LRP1B: variants seen among roughly 807,000 people sequenced by gnomAD.
LRP1B encodes the protein low-density lipoprotein receptor-related protein 1B.
A neutral mutation model predicts 556.6 loss-of-function variants in LRP1B; 217 were observed. That is an observed-to-expected ratio of 0.39 (90% CI 0.35 to 0.44). LRP1B has a LOEUF of 0.44. Among genes scored for constraint, LRP1B ranks in the 20% least tolerant of loss-of-function variants. The probability of loss-of-function intolerance (pLI) is 1.00; values close to 1 mark genes in which losing one functional copy is unlikely to be tolerated. For synonymous variants in LRP1B, 2,047 were observed against 1,865.8 expected (o/e 1.10, Z -2.50); for missense variants, 5,053 against 5,620.8 (o/e 0.90, Z 3.23).
At chr2:140,557,714 C>T (rs1680785328) in intron 43 of LRP1B, among the ~76,000 whole-genome samples, 1 of 152,132 alleles carries the variant, frequency 6.6e-6, no homozygotes, top group Non-Finnish European at 1.5e-5. Context: ...GTCTCTTCCC[C>T]AAAATATTCA....
At chr2:141,336,762 T>A (rs1029373664) in intron 3 of LRP1B, among the ~76,000 whole-genome samples, 1 of 152,202 alleles carries the variant, frequency 6.6e-6, no homozygotes, top group African/African-American at 2.4e-5. Context: ...GATTTCTTGC[T>A]CACTATAATT....
chr2:141,163,682 C>T (rs1377055985), intron 7 of LRP1B, among the ~76,000 whole-genome samples: 1 of 151,914 alleles, frequency 6.6e-6, no homozygotes, highest in East Asian at 1.9e-4. Context: ...AAAGGGTTTC[C>T]CCTTTTATTT....
At position 142,015,254 on chromosome 2, in the gene LRP1B, C is replaced by T. The variant is rs952149213; in HGVS notation, c.82+115394G>A. Among the ~76,000 whole-genome samples, 3 of 152,012 alleles carry T rather than the reference C, an allele frequency of 2.0e-5. No homozygotes were observed. In the South Asian group the frequency reaches 6.2e-4, roughly 32 times the overall value. ...AGCAGCTGACCTTTGACAAACCTGA[C>T]AAAAATAATCAATGGAGAAAGGATT... is the stretch of plus-strand genomic sequence containing the variant. On this transcript the variant is annotated intron_variant, in intron 1 of 90. Transcript: ENST00000389484.
chr2:141,697,615 T>C (rs1056233546), intron 2 of LRP1B, among the ~76,000 whole-genome samples: 2 of 151,986 alleles, frequency 1.3e-5, no homozygotes, highest in African/African-American at 2.4e-5. Context: ...GGTAATGTCA[T>C]ATGGAACTTG....
chr2:141,313,694 C>T (rs575023411), intron 3 of LRP1B, among the ~76,000 whole-genome samples: 1 of 152,134 alleles, frequency 6.6e-6, no homozygotes, highest in African/African-American at 2.4e-5. Context: ...CTAGTAAATA[C>T]ATTAGTGATC....
At chr2:140,957,877 C>T (rs1258941710) in intron 18 of LRP1B, among the ~76,000 whole-genome samples, 10 of 151,450 alleles carry the variant, frequency 6.6e-5, no homozygotes, top group African/African-American at 2.4e-4. Flanking sequence ...ATAATATCTC[C>T]TCCTAGTAGA....
intron 62 of LRP1B, among the ~76,000 whole-genome samples, chr2:140,450,928 G>A (rs1048475960): frequency 6.6e-6 from 1 of 152,140 alleles, no homozygotes; most frequent in African/African-American, 2.4e-5. Context: ...GAGCTACTTG[G>A]TTTTTGTGGT....
chr2:140,843,440 C>T (rs1692182789), intron 29 of LRP1B, among the ~76,000 whole-genome samples: 1 of 152,070 alleles, frequency 6.6e-6, no homozygotes, highest in Non-Finnish European at 1.5e-5. Context: ...CTTCTAGCCA[C>T]CCAGAATGTG....
chr2:141,760,145 A>G (rs572181171), intron 2 of LRP1B, among the ~76,000 whole-genome samples: 2 of 152,308 alleles, frequency 1.3e-5, no homozygotes, highest in Non-Finnish European at 2.9e-5. Flanking sequence ...AAAAACTATC[A>G]TGTGTTAATG....
At chr2:141,874,084 ATTTTTTTTTTTTTTTTTT>A (rs200281267) in intron 1 of LRP1B, among the ~76,000 whole-genome samples, 39 of 103,118 alleles carry the variant, frequency 3.8e-4, no homozygotes, top group Non-Finnish European at 3.9e-4. Context: ...TGAACTAACA[ATTTTTTTTTTTTTTTTTT>A]TTTTTTTTTT....
At chr2:141,419,432 T>C (rs955467902) in intron 3 of LRP1B, among the ~76,000 whole-genome samples, 1 of 152,164 alleles carries the variant, frequency 6.6e-6, no homozygotes, top group African/African-American at 2.4e-5. Flanking sequence ...TTGGCAGATT[T>C]TTTGATTACT....
intron 3 of LRP1B, among the ~76,000 whole-genome samples, chr2:141,283,618 CT>C (rs751136016): frequency 0.048 from 5,947 of 123,858 alleles, 120 homozygotes; most frequent in South Asian, 0.095. Context: ...AAGAGACCCA[CT>C]TTTTTTTTTT....
chr2:141,950,648 T>C (rs979943437), intron 1 of LRP1B, among the ~76,000 whole-genome samples: 1 of 152,152 alleles, frequency 6.6e-6, no homozygotes, highest in Non-Finnish European at 1.5e-5. Flanking sequence ...AAATATTAAA[T>C]ATGCTTTTTT....
chr2:140,653,022 A>C (rs1402818113), intron 41 of LRP1B, among the ~76,000 whole-genome samples: 1 of 152,148 alleles, frequency 6.6e-6, no homozygotes, highest in South Asian at 2.1e-4. Flanking sequence ...TTTGAGGAAT[A>C]TCTCCAACAG....
chr2:141,174,019 C>T (rs996096278), intron 7 of LRP1B, among the ~76,000 whole-genome samples: 3 of 151,910 alleles, frequency 2.0e-5, no homozygotes, highest in African/African-American at 7.2e-5. Flanking sequence ...TTTCTCTTCT[C>T]TGTCCTCCAC....
At chr2:140,422,468 A>G (rs1383160830) in intron 66 of LRP1B, among the ~76,000 whole-genome samples, 1 of 152,214 alleles carries the variant, frequency 6.6e-6, no homozygotes, top group Non-Finnish European at 1.5e-5. Flanking sequence ...ATAGGTCACA[A>G]CCAAAGCATA....
At chr2:141,193,262 A>T (rs1010251559) in intron 6 of LRP1B, among the ~76,000 whole-genome samples, 2 of 152,016 alleles carry the variant, frequency 1.3e-5, no homozygotes, top group African/African-American at 2.4e-5. Context: ...AAATCATTCT[A>T]TGATAAAGAC....
intron 31 of LRP1B, among the ~76,000 whole-genome samples, chr2:140,817,301 C>T (rs1199134993): frequency 2.6e-5 from 4 of 151,494 alleles, no homozygotes; most frequent in African/African-American, 4.8e-5. Context: ...AAATCTAGAT[C>T]CAATAACATA....
Position 141,971,003 on chromosome 2 carries a change from T to C in LRP1B, c.82+159645A>G, listed in dbSNP as rs1701715501. On this transcript the variant is annotated intron_variant, in intron 1 of 90. Transcript: ENST00000389484. ...TTCACATTCTAACTATTTCACTTTA[T>C]AACAACTCATGCTATGGGAAAATGT... Among the ~76,000 whole-genome samples, 4 of 151,550 alleles carry C rather than the reference T, an allele frequency of 2.6e-5. No individual in the cohort carries two copies. The South Asian group carries it at 6.2e-4, about 24-fold the overall frequency.
Sources: allele counts gnomAD v4.1 joint callset (sites outside exome capture counted in the v4.1 genomes callset), GRCh38; gene constraint gnomAD v4.1.1; transcripts MANE v1.5; gene names NCBI Gene and HGNC (gene_info 2026-07-23, HGNC 2026-07-21).